The following COMMD8 variants were observed in gnomAD, a reference collection of about 807,000 sequenced individuals.
The protein encoded by COMMD8 is COMM domain containing 8, also known as COMM domain-containing protein 8.
COMMD8 carries 28 observed loss-of-function variants against 27.2 expected under a neutral mutation model. The observed-to-expected ratio is 1.03, with a 90% CI of 0.76 to 1.41. COMMD8 has a LOEUF of 1.41. Among genes scored for constraint, COMMD8 ranks in the 40% most tolerant of loss-of-function variants. The probability of loss-of-function intolerance (pLI) is 0.00; values close to 1 mark genes in which losing one functional copy is unlikely to be tolerated. For missense variants in COMMD8, 217 were observed against 211.2 expected (o/e 1.03, Z -0.17); for synonymous variants, 79 against 75.5 (o/e 1.05, Z -0.24).
rs148154889 is a variant in COMMD8 at position 47,451,851 on chromosome 4, C to T, written c.532-186G>A. On this transcript the variant is annotated intron_variant, in intron 4 of 4. Transcript: ENST00000381571. ...GTTCAGAATCTGTTACCATTTATATCGGGCTCTATCACATGCACCCTTCAC... is the reference window on the plus strand; with the variant it reads ...GTTCAGAATCTGTTACCATTTATATTGGGCTCTATCACATGCACCCTTCAC... Among the ~76,000 whole-genome samples the T allele has an allele frequency of 1.1e-3, 167 of 152,318 alleles. 4 individuals carry two copies. In the East Asian group the frequency reaches 0.027, roughly 25 times the overall value.
chr4:47,463,689 C>G lies in COMMD8; in HGVS notation c.-38G>C. The G allele has an allele frequency of 3.9e-6, 6 of 1,526,482 alleles. No homozygotes were observed. The highest frequency in any genetic ancestry group is 5.3e-6 in the Non-Finnish European group (6 of 1,134,010). 94.6% of individuals were successfully genotyped at this position (1,526,482 alleles called of 1,614,324 possible). On this transcript the variant is annotated 5_prime_UTR_variant, in exon 1 of 5. Transcript: ENST00000381571. ...CTGGGGCTTGGGTCACGTGTCAAGGCTGGCCGCTTGTCTAAAGCTACGACT... is the reference window on the plus strand; with the variant it reads ...CTGGGGCTTGGGTCACGTGTCAAGGGTGGCCGCTTGTCTAAAGCTACGACT...
chr4:47,458,743 T>C (rs1560390970), intron 2 of COMMD8, among the ~76,000 whole-genome samples: 1 of 152,082 alleles, frequency 6.6e-6, no homozygotes, highest in Non-Finnish European at 1.5e-5. Flanking sequence ...AGGTCTTCTA[T>C]TACCAGATAT....
At chr4:47,463,556 C>T (rs977881347) in intron 1 of COMMD8, 30 bp downstream of exon 1, 3 of 1,537,282 alleles carry the variant, frequency 2.0e-6, no homozygotes, top group Admixed American at 3.9e-5. Context: ...TCCCAGGCCC[C>T]GCGCCGCTTC....
chr4:47,463,604 C>A lies in COMMD8; in HGVS notation c.48G>T (p.Pro16=), dbSNP rs1160815903. 3 of 1,546,796 alleles carry A rather than the reference C, an allele frequency of 1.9e-6. No individual in the cohort carries two copies. Among genetic ancestry groups the A allele is most frequent in the Non-Finnish European group, 2.6e-6 (3 of 1,146,204 alleles). The change falls in exon 1 of 5, where the codon CCG becomes CCT. Residue 16 remains proline, a synonymous_variant. Coordinates refer to ENST00000381571, the MANE Select transcript of COMMD8 (RefSeq NM_017845.5). ...CCCTCACCTGCGGGCCCAGCTCGGC[C>A]GGCAGCTTCTGCAGCCGCCACAAGG... is the stretch of plus-strand genomic sequence containing the variant. ...GTPLWRLQKL[P]AELGPQLLHK... is the part of the protein sequence containing the mutation.
chr4:47,462,356 C>T (rs982317887), intron 1 of COMMD8, among the ~76,000 whole-genome samples: 80 of 152,024 alleles, frequency 5.3e-4, no homozygotes, highest in African/African-American at 1.9e-3. Context: ...CCTAGAACGT[C>T]AGGTTGAGAG....
At chr4:47,456,796 T>C in intron 2 of COMMD8, 67 bp from the exon 3 acceptor site, 1 of 1,172,244 alleles carries the variant, frequency 8.5e-7, no homozygotes, top group Non-Finnish European at 1.2e-6. Flanking sequence ...TCCACTCTCC[T>C]TTTGCACACT....
Position 47,456,664 on chromosome 4 carries a change from A to C in COMMD8, c.288T>G (p.Ser96Arg). ...GAGCCTGTTTGATTTCATCTTTCCTACTTTTCACGCATTTCATGATAGTTT... is the reference window on the plus strand; with the variant it reads ...GAGCCTGTTTGATTTCATCTTTCCTCCTTTTCACGCATTTCATGATAGTTT... ...HQETIMKCVK[S>R]RKDEIKQALS... The change falls in exon 3 of 5, where the codon AGT (serine) becomes AGG (arginine). Residue 96 changes from serine (S) to arginine (R), a missense_variant. Ser to Arg is a moderately radical substitution (Grantham distance 110). Coordinates refer to ENST00000381571, the MANE Select transcript of COMMD8 (RefSeq NM_017845.5). The C allele has an allele frequency of 6.2e-7, 1 of 1,609,382 alleles. No individual in the cohort carries two copies. Among genetic ancestry groups the C allele is most frequent in the South Asian group, 1.1e-5 (1 of 90,322 alleles).
chr4:47,458,779 A>AT (rs1729951769), intron 2 of COMMD8, among the ~76,000 whole-genome samples: 1 of 152,108 alleles, frequency 6.6e-6, no homozygotes, highest in South Asian at 2.1e-4. Flanking sequence ...TTTAGCTTTA[A>AT]TTCTACAGTA....
In COMMD8 at chr4:47,453,217, G is replaced by A; in HGVS notation, c.376-3C>T. On this transcript the variant is annotated splice_region_variant and splice_polypyrimidine_tract_variant and intron_variant, in intron 3 of 4. Transcript: ENST00000381571. ...ATCTTGTCACTGGAAAGTGCAAGCT[G>A]TTTAAAATCAGAAAAATAGCAATTA... The A allele has an allele frequency of 1.2e-6, 2 of 1,609,548 alleles. No homozygotes were observed. Among genetic ancestry groups the A allele is most frequent in the South Asian group, 2.2e-5 (2 of 90,702 alleles).
chr4:47,457,568 C>T (rs894230195), intron 2 of COMMD8, among the ~76,000 whole-genome samples: 7 of 152,086 alleles, frequency 4.6e-5, no homozygotes, highest in Non-Finnish European at 8.8e-5. Context: ...TTCACCATAA[C>T]GTACCATATT....
intron 2 of COMMD8, among the ~76,000 whole-genome samples, chr4:47,457,927 A>G (rs1338160916): frequency 6.8e-6 from 1 of 147,030 alleles, no homozygotes; most frequent in Non-Finnish European, 1.5e-5. Context: ...AAATCAAGAG[A>G]TATATAAAAA....
chr4:47,451,501 T>G lies in COMMD8; in HGVS notation c.*144A>C. The G allele has an allele frequency of 1.6e-6, 1 of 640,820 alleles. No individual in the cohort carries two copies. Among genetic ancestry groups the G allele is most frequent in the Non-Finnish European group, 2.7e-6 (1 of 369,322 alleles). The allele number at this position is 640,820 out of a possible 1,614,324, so 39.7% of individuals were successfully genotyped here. ...TCCTGTTAAGGAATGTTGATAAATT[T>G]TTATCTTTATAATATCAATATTGCT... On this transcript the variant is annotated 3_prime_UTR_variant, in exon 5 of 5. Transcript: ENST00000381571.
chr4:47,457,193 G>T (rs752525414), intron 2 of COMMD8, among the ~76,000 whole-genome samples: 1 of 152,146 alleles, frequency 6.6e-6, no homozygotes, highest in Non-Finnish European at 1.5e-5. Flanking sequence ...TCAAATAAGG[G>T]ATACTCAACT....
chr4:47,455,026 T>G (rs1319729825), intron 3 of COMMD8, among the ~76,000 whole-genome samples: 2 of 152,128 alleles, frequency 1.3e-5, no homozygotes. Flanking sequence ...TTTATTTTTT[T>G]CTGAGACAGA....
At chr4:47,462,003 T>G (rs1019625060) in intron 1 of COMMD8, among the ~76,000 whole-genome samples, 2 of 151,582 alleles carry the variant, frequency 1.3e-5, no homozygotes, top group Admixed American at 1.3e-4. Context: ...AGAGAAGAAG[T>G]GCATTTCTAG....
intron 3 of COMMD8, among the ~76,000 whole-genome samples, chr4:47,456,298 A>ATATATATATATG (rs1430343028): frequency 1.9e-4 from 25 of 131,144 alleles, no homozygotes; most frequent in African/African-American, 6.5e-4. Context: ...ATATATATAT[A>ATATATATATATG]TATGTATATG....
In COMMD8 at chr4:47,460,191, C is replaced by T; in HGVS notation, c.175G>A (p.Ala59Thr). The T allele has an allele frequency of 6.2e-7, 1 of 1,613,548 alleles. No homozygotes were observed. ...CCAACTATGGCTTTGAAAAATTTGGCAATATCTTCTAAAACGTGCATCCAT... is the reference window on the plus strand; with the variant it reads ...CCAACTATGGCTTTGAAAAATTTGGTAATATCTTCTAAAACGTGCATCCAT... Reference protein sequence around the residue: ...EEWMHVLEDIAKFFKAIVGKN... With the variant: ...EEWMHVLEDITKFFKAIVGKN... The change falls in exon 2 of 5, where the codon GCC (alanine) becomes ACC (threonine). Residue 59 changes from alanine to threonine, a missense_variant. Ala to Thr is a moderately conservative substitution (Grantham distance 58). Coordinates refer to ENST00000381571, the MANE Select transcript of COMMD8 (RefSeq NM_017845.5).
chr4:47,461,661 A>C (rs1166736240), intron 1 of COMMD8, among the ~76,000 whole-genome samples: 1 of 152,246 alleles, frequency 6.6e-6, no homozygotes, highest in Non-Finnish European at 1.5e-5. Context: ...TTTAATGACA[A>C]AGGTCATGGA....
Position 47,460,160 on chromosome 4 carries a change from T to C in COMMD8, c.206A>G (p.Asn69Ser). ...AGAAGTTACCTCTTCATCAGGTAAG[T>C]TTTTACCAACTATGGCTTTGAAAAA... is the stretch of plus-strand genomic sequence containing the variant. ...AKFFKAIVGKNLPDEEIFQQL... is the reference protein window; with the variant it reads ...AKFFKAIVGKSLPDEEIFQQL... Residue 69 changes from asparagine (N) to serine (S), a missense_variant, in exon 2 of 5, where the codon AAC (asparagine) becomes AGC (serine). Coordinates refer to ENST00000381571, the MANE Select transcript of COMMD8 (RefSeq NM_017845.5). The C allele has an allele frequency of 1.2e-6, 2 of 1,613,228 alleles. No individual in the cohort carries two copies. The highest frequency in any genetic ancestry group is 8.5e-7 in the Non-Finnish European group (1 of 1,179,618).
Sources: allele counts gnomAD v4.1 joint callset (sites outside exome capture counted in the v4.1 genomes callset), GRCh38; gene constraint gnomAD v4.1.1; transcripts MANE v1.5; gene names NCBI Gene and HGNC (gene_info 2026-07-23, HGNC 2026-07-21).